Variants in PLCH1 observed in about 807,000 individuals in gnomAD.
The protein encoded by PLCH1 is 1-phosphatidylinositol 4,5-bisphosphate phosphodiesterase eta-1.
Under a neutral mutation model 126.7 loss-of-function variants are expected in PLCH1, and 60 were observed. That is an observed-to-expected ratio of 0.47 (90% CI 0.38 to 0.59). The LOEUF (loss-of-function observed/expected upper bound fraction) is 0.59, where lower values mean the gene tolerates loss of function less well. Among genes scored for constraint, PLCH1 ranks in the 20% least tolerant of loss-of-function variants. The probability of loss-of-function intolerance (pLI) is 0.00; values close to 1 mark genes in which losing one functional copy is unlikely to be tolerated. For synonymous variants in PLCH1, 719 were observed against 734.9 expected (o/e 0.98, Z 0.35); for missense variants, 1,723 against 2,040.0 (o/e 0.84, Z 2.99).
chr3:155,724,374 C>T (rs1577371170), intron 1 of PLCH1, among the ~76,000 whole-genome samples: 1 of 152,204 alleles, frequency 6.6e-6, no homozygotes, highest in African/African-American at 2.4e-5. Context: ...TTGCCATCTA[C>T]CTTATTTCTT....
intron 6 of PLCH1, among the ~76,000 whole-genome samples, chr3:155,579,133 C>T (rs943039650): frequency 6.6e-6 from 1 of 152,156 alleles, no homozygotes; most frequent in African/African-American, 2.4e-5. Flanking sequence ...ATAAAGTCTC[C>T]TCTGTGTTAT....
chr3:155,465,735 C>G (rs1299956758), intron 21 of PLCH1, among the ~76,000 whole-genome samples: 3 of 152,102 alleles, frequency 2.0e-5, no homozygotes, highest in Admixed American at 1.3e-4. Context: ...CTGCCCTGGG[C>G]CAGAGGGGAG....
chr3:155,721,060 G>C (rs980469192), intron 1 of PLCH1, among the ~76,000 whole-genome samples: 2 of 152,252 alleles, frequency 1.3e-5, no homozygotes, highest in East Asian at 3.9e-4. Context: ...TCTCTATTCT[G>C]CTCCATTGGT....
intron 3 of PLCH1, 36 bp downstream of exon 3, chr3:155,596,196 G>A (rs1732962297): frequency 1.1e-5 from 18 of 1,566,364 alleles, no homozygotes; most frequent in Non-Finnish European, 1.6e-5. Flanking sequence ...GTGTTACTAT[G>A]TCCAGCCAAG....
In PLCH1 at chr3:155,500,752, C is replaced by T; in HGVS notation, c.1747G>A (p.Glu583Lys). Reference protein sequence around the residue: ...SRSKSYSTDDEEDTQQSTGKE... With the variant: ...SRSKSYSTDDKEDTQQSTGKE... Reference sequence around the variant, plus strand: ...CCAGTACTCTGCTGTGTGTCTTCCTCATCATCAGTACTGTAAGATTTAGAC... The same window carrying T: ...CCAGTACTCTGCTGTGTGTCTTCCTTATCATCAGTACTGTAAGATTTAGAC... Residue 583 changes from glutamate to lysine, a missense_variant, in exon 14 of 23, where the codon GAG (glutamate) becomes AAG (lysine). Glu to Lys is a moderately conservative substitution (Grantham distance 56). This residue lies in a region of PLCH1 where 776 missense variants were observed against 1,062.9 expected (regional missense o/e 0.73). Transcript: ENST00000460012. The T allele has an allele frequency of 1.9e-6, 3 of 1,613,770 alleles. No homozygotes were observed. The highest frequency in any genetic ancestry group is 2.5e-6 in the Non-Finnish European group (3 of 1,179,680).
rs1714063308 is a variant in PLCH1, at chr3:155,481,600, G to A, written c.4426C>T (p.Leu1476=). 3 of 1,614,036 alleles carry A rather than the reference G, an allele frequency of 1.9e-6. No homozygotes were observed. Among genetic ancestry groups the A allele is most frequent in the Non-Finnish European group, 2.5e-6 (3 of 1,180,054 alleles). ...KQLAHLPLPA[L]KLPSPCKSKS... is the part of the protein sequence containing the mutation. ...GATTTGCAAGGACTAGGCAGTTTCAGAGCAGGCAAAGGAAGATGTGCCAAC... is the reference window on the plus strand; with the variant it reads ...GATTTGCAAGGACTAGGCAGTTTCAAAGCAGGCAAAGGAAGATGTGCCAAC... Residue 1476 remains leucine (L), a synonymous_variant, in exon 23 of 23, where the codon CTG becomes TTG. Transcript: ENST00000460012. The surrounding 1 kb of genome is among the most constrained non-coding windows in gnomAD (Gnocchi z 4.2).
At chr3:155,697,277 C>T (rs1745892857) in intron 2 of PLCH1, among the ~76,000 whole-genome samples, 1 of 152,096 alleles carries the variant, frequency 6.6e-6, no homozygotes, top group South Asian at 2.1e-4. Context: ...TCGCCCTAAT[C>T]TAAAATGTTA....
rs1419421551 is a variant in PLCH1 at position 155,565,095 on chromosome 3, G to A, written c.889C>T (p.Pro297Ser). The change falls in exon 8 of 23, where the codon CCT (proline) becomes TCT (serine). Residue 297 changes from proline (P) to serine (S), a missense_variant. Around this residue, in one of 2 missense-constraint regions of PLCH1, gnomAD observed 776 missense variants for 1,062.9 expected, o/e 0.73. Transcript: ENST00000460012. ...IEGFTNFMRSPACDIFNPLHH... is the reference protein window; with the variant it reads ...IEGFTNFMRSSACDIFNPLHH... ...AATGGGTTAAATATGTCACAGGCAG[G>A]ACTACGCATGAAGTTCGTGAAGCCT... 4.3e-6 allele frequency: 7 copies of A among 1,613,500 alleles called. No individual in the cohort carries two copies. Among genetic ancestry groups the A allele is most frequent in the Non-Finnish European group, 4.2e-6 (5 of 1,179,554 alleles).
chr3:155,668,663 C>T (rs1046896049), intron 2 of PLCH1, among the ~76,000 whole-genome samples: 8 of 152,032 alleles, frequency 5.3e-5, no homozygotes, highest in Admixed American at 4.6e-4. Flanking sequence ...GAGGCCAAGG[C>T]GGACAGATCA....
chr3:155,553,581 C>G (rs529515542), intron 9 of PLCH1, among the ~76,000 whole-genome samples: 2 of 152,102 alleles, frequency 1.3e-5, no homozygotes, highest in African/African-American at 4.8e-5. Context: ...GATTGAGAAG[C>G]AACGAGAGCA....
chr3:155,530,705 TCTGTTGACCTC>T (rs1218625641), intron 10 of PLCH1, among the ~76,000 whole-genome samples: 1 of 152,298 alleles, frequency 6.6e-6, no homozygotes, highest in Middle Eastern at 3.4e-3. Flanking sequence ...CTGCTAATAA[TCTGTTGACCTC>T]CTCAAAAAAA....
chr3:155,657,823 A>T (rs548701839), intron 2 of PLCH1: 11 of 152,340 alleles, frequency 7.2e-5, no homozygotes, highest in African/African-American at 2.6e-4. Context: ...GAAAGCTGAT[A>T]CTAGTGGCAA....
chr3:155,556,350 G>A (rs187501439), intron 8 of PLCH1, among the ~76,000 whole-genome samples: 51 of 152,200 alleles, frequency 3.4e-4, no homozygotes, highest in African/African-American at 1.2e-3. Context: ...GTGAAACTCC[G>A]TCTCAAAATA....
At chr3:155,680,625 G>C (rs1744436617) in intron 2 of PLCH1, among the ~76,000 whole-genome samples, 1 of 152,088 alleles carries the variant, frequency 6.6e-6, no homozygotes. Context: ...AGCATAAACT[G>C]TAACAAACTT....
intron 2 of PLCH1, among the ~76,000 whole-genome samples, chr3:155,602,970 T>G (rs1238994843): frequency 6.6e-6 from 1 of 151,288 alleles, no homozygotes; most frequent in East Asian, 1.9e-4. Flanking sequence ...ATATGCACAC[T>G]TGGTGCTCTG....
chr3:155,580,379 A>G (rs1730516653), intron 6 of PLCH1, among the ~76,000 whole-genome samples: 1 of 152,192 alleles, frequency 6.6e-6, no homozygotes, highest in Non-Finnish European at 1.5e-5. Flanking sequence ...TCTCACATTT[A>G]AAAAATTCAA....
intron 8 of PLCH1, among the ~76,000 whole-genome samples, chr3:155,563,057 T>C (rs1179107635): frequency 6.6e-6 from 1 of 152,220 alleles, no homozygotes; most frequent in Non-Finnish European, 1.5e-5. Context: ...TTTCTGGCTA[T>C]TCCTTTCTAA....
At chr3:155,568,120 T>C (rs945068904) in intron 7 of PLCH1, 111 bp downstream of exon 7, 35 of 574,288 alleles carry the variant, frequency 6.1e-5, no homozygotes, top group Non-Finnish European at 1.0e-4. Context: ...AATTATTTAT[T>C]AATATAATCC....
chr3:155,601,562 T>A (rs979993588), intron 2 of PLCH1, among the ~76,000 whole-genome samples: 3 of 152,130 alleles, frequency 2.0e-5, no homozygotes, highest in African/African-American at 7.2e-5. Context: ...TTACTATATA[T>A]CATTTGGAGG....
Sources: gnomAD v4.1 joint callset for allele counts (sites outside exome capture counted in the v4.1 genomes callset) on GRCh38, gnomAD v4.1.1 for gene constraint, gnomAD v4.1.1 regional missense constraint, Gnocchi (gnomAD v3.1) non-coding constraint, MANE v1.5 for transcripts, NCBI Gene and HGNC (gene_info 2026-07-23, HGNC 2026-07-21) for gene names.